TOP6BL: variants seen among roughly 807,000 people sequenced by gnomAD.
TOP6BL encodes type 2 DNA topoisomerase 6 subunit B-like.
the TOP6BL span, among the ~76,000 whole-genome samples, chr11:66,764,776 A>G: frequency 6.6e-6 from 1 of 152,050 alleles, no homozygotes; most frequent in Non-Finnish European, 1.5e-5. Flanking sequence ...CTTGGGCAGC[A>G]TGATGAAACC....
chr11:66,809,579 T>C, the TOP6BL span, among the ~76,000 whole-genome samples: 5 of 152,204 alleles, frequency 3.3e-5, no homozygotes, highest in African/African-American at 4.8e-5. Context: ...GGCATGATTG[T>C]TAGTAATAAT....
chr11:66,783,814 A>G, the TOP6BL span, among the ~76,000 whole-genome samples: 1 of 151,954 alleles, frequency 6.6e-6, no homozygotes, highest in African/African-American at 2.4e-5. Context: ...GGTTTTTAGT[A>G]TATTTTCGGG....
At chr11:66,746,018 C>T in the TOP6BL span, among the ~76,000 whole-genome samples, 1 of 152,102 alleles carries the variant, frequency 6.6e-6, no homozygotes, top group African/African-American at 2.4e-5. Flanking sequence ...ACCATGTTGG[C>T]CAGGCTGGTC....
At chr11:66,829,653 C>T in the TOP6BL span, among the ~76,000 whole-genome samples, 1 of 151,840 alleles carries the variant, frequency 6.6e-6, no homozygotes, top group African/African-American at 2.4e-5. Flanking sequence ...TTTGGGAGGC[C>T]GAGGCAGGTG....
the TOP6BL span, chr11:66,756,347 T>TC: frequency 8.3e-7 from 1 of 1,202,122 alleles, no homozygotes; most frequent in Non-Finnish European, 1.1e-6. Flanking sequence ...CTTTTTTTTT[T>TC]CTCAGGATGG....
At chr11:66,787,524 G>T in the TOP6BL span, among the ~76,000 whole-genome samples, 2 of 141,068 alleles carry the variant, frequency 1.4e-5, no homozygotes, top group Non-Finnish European at 3.0e-5. Flanking sequence ...TGGCCAACGT[G>T]ATGAAACCCC....
chr11:66,814,058 GA>G, the TOP6BL span: 1 of 1,551,532 alleles, frequency 6.4e-7, no homozygotes, highest in Non-Finnish European at 8.9e-7. Flanking sequence ...GACATTTGAA[GA>G]ATATTAGATA....
chr11:66,842,892 C>T, the TOP6BL span: 2 of 1,574,864 alleles, frequency 1.3e-6, no homozygotes, highest in Non-Finnish European at 1.7e-6. Flanking sequence ...AGAGGGGCAG[C>T]CCCCGCATAG....
chr11:66,821,642 G>A, the TOP6BL span: 1 of 1,603,132 alleles, frequency 6.2e-7, no homozygotes, highest in East Asian at 2.2e-5. Flanking sequence ...CCTCCCCTTA[G>A]GAGTCTATAC....
At chr11:66,842,847 A>G in the TOP6BL span, 7 of 1,561,842 alleles carry the variant, frequency 4.5e-6, no homozygotes, top group Non-Finnish European at 6.1e-6. Context: ...TTTTTCTCCT[A>G]GATACCAGCG....
the TOP6BL span, among the ~76,000 whole-genome samples, chr11:66,776,023 T>C: frequency 6.6e-6 from 1 of 152,040 alleles, no homozygotes; most frequent in Admixed American, 6.6e-5. Flanking sequence ...ATCTCTAAAT[T>C]ATGACAACTC....
At chr11:66,761,099 C>T in the TOP6BL span, among the ~76,000 whole-genome samples, 525 of 151,416 alleles carry the variant, frequency 3.5e-3, 6 homozygotes, top group African/African-American at 0.012. Flanking sequence ...AGGCCGGGCG[C>T]GGTGGCTCAC....
At chr11:66,838,628 T>G in the TOP6BL span, among the ~76,000 whole-genome samples, 1 of 152,148 alleles carries the variant, frequency 6.6e-6, no homozygotes, top group Non-Finnish European at 1.5e-5. Flanking sequence ...CCCAAGATGT[T>G]AGGACAGGAC....
the TOP6BL span, among the ~76,000 whole-genome samples, chr11:66,825,200 C>T: frequency 1.3e-5 from 2 of 149,248 alleles, no homozygotes; most frequent in African/African-American, 4.9e-5. Context: ...CCAGGCCGGG[C>T]GTGGTGGCTC....
the TOP6BL span, chr11:66,748,529 A>G: frequency 6.6e-7 from 1 of 1,509,364 alleles, no homozygotes; most frequent in African/African-American, 1.4e-5. Context: ...TAAGTAGAGA[A>G]AGAAAAAATA....
chr11:66,839,657 C>T, the TOP6BL span, among the ~76,000 whole-genome samples: 2 of 152,218 alleles, frequency 1.3e-5, no homozygotes, highest in Non-Finnish European at 2.9e-5. Context: ...AAGAACCCTG[C>T]TGTGAACGCT....
At chr11:66,832,008 A>C in the TOP6BL span, among the ~76,000 whole-genome samples, 1 of 151,120 alleles carries the variant, frequency 6.6e-6, no homozygotes, top group Non-Finnish European at 1.5e-5. Flanking sequence ...AAAAAAAAAA[A>C]AAAAAAAACA....
chr11:66,805,194 A>G, the TOP6BL span, among the ~76,000 whole-genome samples: 11 of 152,192 alleles, frequency 7.2e-5, no homozygotes, highest in Non-Finnish European at 1.5e-4. Flanking sequence ...AGAACACGAC[A>G]CTGCACTCTA....
the TOP6BL span, among the ~76,000 whole-genome samples, chr11:66,771,054 T>G: frequency 6.6e-6 from 1 of 152,186 alleles, no homozygotes; most frequent in Non-Finnish European, 1.5e-5. Flanking sequence ...TTCTTTTATA[T>G]AATTCTCATA....
Sources: gnomAD v4.1 joint callset for allele counts (sites outside exome capture counted in the v4.1 genomes callset) on GRCh38, gnomAD v4.1.1 for gene constraint, MANE v1.5 for transcripts, NCBI Gene and HGNC (gene_info 2026-07-23, HGNC 2026-07-21) for gene names.